The following SLC35F1 variants were observed in gnomAD, a reference collection of about 807,000 sequenced individuals.
The protein encoded by SLC35F1 is chromosome 6 open reading frame 169.
SLC35F1 carries 14 observed loss-of-function variants against 48.7 expected under a neutral mutation model. The ratio of observed to expected loss-of-function variants is 0.29; its 90% confidence interval spans 0.19 to 0.45. The LOEUF (loss-of-function observed/expected upper bound fraction) is 0.45, where lower values mean the gene tolerates loss of function less well. Among genes scored for constraint, SLC35F1 ranks in the 20% least tolerant of loss-of-function variants. The pLI is 1.00. For synonymous variants in SLC35F1, 190 were observed against 202.2 expected, an observed-to-expected ratio of 0.94 and a Z score of 0.51; for missense variants, 404 against 500.0, an observed-to-expected ratio of 0.81 and a Z score of 1.83.
chr6:117,928,109 G>C (rs892857334), intron 1 of SLC35F1, among the ~76,000 whole-genome samples: 1 of 152,094 alleles, frequency 6.6e-6, no homozygotes, highest in African/African-American at 2.4e-5. Context: ...TGCTTTGTGA[G>C]TGTTTTCTGA....
At chr6:118,124,249 A>T (rs772971881) in intron 1 of SLC35F1, among the ~76,000 whole-genome samples, 15 of 152,174 alleles carry the variant, frequency 9.9e-5, no homozygotes, top group Non-Finnish European at 1.6e-4. Flanking sequence ...TAAAATGAAA[A>T]TGTTGGACTA....
At chr6:118,240,781 G>A (rs9320646) in intron 3 of SLC35F1, among the ~76,000 whole-genome samples, 51,631 of 152,002 alleles carry the variant, frequency 0.34, 9,323 homozygotes, top group East Asian at 0.67. Flanking sequence ...CAGACAGCGT[G>A]TTCAAGGCCC....
chr6:118,130,679 GT>G (rs145460732), intron 1 of SLC35F1, among the ~76,000 whole-genome samples: 51,622 of 149,790 alleles, frequency 0.34, 9,585 homozygotes, highest in Non-Finnish European at 0.44. Context: ...TCTTAAGGTA[GT>G]TTTTTTTTTC....
intron 7 of SLC35F1, among the ~76,000 whole-genome samples, chr6:118,286,936 T>C (rs1419861150): frequency 6.6e-6 from 1 of 152,136 alleles, no homozygotes; most frequent in Non-Finnish European, 1.5e-5. Context: ...ACTGAAAGTT[T>C]GTACCCTCTA....
At chr6:117,951,134 A>G (rs1776358308) in intron 1 of SLC35F1, among the ~76,000 whole-genome samples, 1 of 152,176 alleles carries the variant, frequency 6.6e-6, no homozygotes. Flanking sequence ...TATGAAAAAG[A>G]TGTATTGTAG....
intron 1 of SLC35F1, among the ~76,000 whole-genome samples, chr6:118,084,078 A>AG (rs1453468162): frequency 4.6e-5 from 7 of 152,314 alleles, no homozygotes; most frequent in Admixed American, 1.3e-4. Flanking sequence ...CATAAGAAGA[A>AG]GCTGAGTTTT....
intron 1 of SLC35F1, among the ~76,000 whole-genome samples, chr6:118,086,662 AG>A (rs1212947267): frequency 2.6e-5 from 4 of 152,168 alleles, no homozygotes; most frequent in African/African-American, 9.7e-5. Context: ...GCTCTAATTT[AG>A]GATGCTCTTA....
At chr6:118,045,437 T>C (rs982196849) in intron 1 of SLC35F1, among the ~76,000 whole-genome samples, 1 of 152,184 alleles carries the variant, frequency 6.6e-6, no homozygotes, top group African/African-American at 2.4e-5. Context: ...TAGGAAGCTC[T>C]TGATAGATGA....
intron 2 of SLC35F1, among the ~76,000 whole-genome samples, chr6:118,202,614 A>G (rs1449946146): frequency 6.6e-6 from 1 of 152,240 alleles, no homozygotes; most frequent in Non-Finnish European, 1.5e-5. Flanking sequence ...ATTGAGTGCT[A>G]ACAATGTGCC....
intron 7 of SLC35F1, among the ~76,000 whole-genome samples, chr6:118,307,422 C>G (rs1382962501): frequency 6.6e-6 from 1 of 151,386 alleles, no homozygotes; most frequent in African/African-American, 2.4e-5. Context: ...AATATTTAAC[C>G]AGAAAGATTT....
chr6:117,925,421 G>T (rs937586117), intron 1 of SLC35F1, among the ~76,000 whole-genome samples: 1 of 152,174 alleles, frequency 6.6e-6, no homozygotes, highest in Non-Finnish European at 1.5e-5. Flanking sequence ...TAATGCTAAG[G>T]ACAGCAGAGT....
At chr6:118,223,554 C>T (rs958416751) in intron 2 of SLC35F1, among the ~76,000 whole-genome samples, 4 of 152,158 alleles carry the variant, frequency 2.6e-5, no homozygotes, top group African/African-American at 4.8e-5. Context: ...AGAGAATGAA[C>T]GTATGGTGCC....
At chr6:118,198,769 A>G (rs1019042963) in intron 2 of SLC35F1, among the ~76,000 whole-genome samples, 2 of 152,188 alleles carry the variant, frequency 1.3e-5, no homozygotes, top group Non-Finnish European at 2.9e-5. Context: ...ACATATACAC[A>G]TTGTTAAGCA....
intron 1 of SLC35F1, among the ~76,000 whole-genome samples, chr6:118,030,413 T>C (rs1266781076): frequency 1.3e-5 from 2 of 151,718 alleles, no homozygotes; most frequent in East Asian, 2.0e-4. Context: ...CAATCACTCA[T>C]AGACACAGGA....
At chr6:118,212,669 A>G (rs1235738336) in intron 2 of SLC35F1, among the ~76,000 whole-genome samples, 1 of 151,026 alleles carries the variant, frequency 6.6e-6, no homozygotes, top group Non-Finnish European at 1.5e-5. Context: ...CAGCCTGGAC[A>G]AGAGTGAAAA....
chr6:118,132,669 A>G (rs149319342), intron 1 of SLC35F1, among the ~76,000 whole-genome samples: 1 of 152,200 alleles, frequency 6.6e-6, no homozygotes, highest in African/African-American at 2.4e-5. Flanking sequence ...TTCAGTAGAG[A>G]CATTTTATTC....
chr6:118,157,892 C>T (rs1367101724), intron 2 of SLC35F1, among the ~76,000 whole-genome samples: 1 of 152,170 alleles, frequency 6.6e-6, no homozygotes, highest in Non-Finnish European at 1.5e-5. Flanking sequence ...TACTTTCTAT[C>T]CTTCAATCCA....
intron 1 of SLC35F1, among the ~76,000 whole-genome samples, chr6:118,083,819 A>C (rs777663245): frequency 2.6e-5 from 4 of 152,214 alleles, no homozygotes; most frequent in Non-Finnish European, 5.9e-5. Context: ...TGCCACTTCA[A>C]ATTATGAAAG....
chr6:118,083,909 A>G (rs1458346028), intron 1 of SLC35F1, among the ~76,000 whole-genome samples: 1 of 152,228 alleles, frequency 6.6e-6, no homozygotes, highest in Non-Finnish European at 1.5e-5. Flanking sequence ...ATTGAATGAC[A>G]TTCTAAGCCT....
Sources: allele counts gnomAD v4.1 joint callset (sites outside exome capture counted in the v4.1 genomes callset), GRCh38; gene constraint gnomAD v4.1.1; transcripts MANE v1.5; gene names NCBI Gene and HGNC (gene_info 2026-07-23, HGNC 2026-07-21).